Variants in BICRA observed in about 807,000 individuals in gnomAD.
BICRA encodes the protein BRD4-interacting chromatin-remodeling complex-associated protein.
BICRA carries 31 observed loss-of-function variants against 96.9 expected under a neutral mutation model. The ratio of observed to expected loss-of-function variants is 0.32; its 90% CI spans 0.24 to 0.43. The LOEUF (loss-of-function observed/expected upper bound fraction) is 0.43. Ranked by LOEUF, BICRA falls within the 20% of genes least tolerant of loss-of-function variation. BICRA has a pLI of 1.00. For synonymous variants in BICRA, 1,350 were observed against 1,071.8 expected (o/e 1.26, Z -5.07); for missense variants, 2,283 against 2,190.3 (o/e 1.04, Z -0.84).
At chr19:47,659,685 T>TATACACAC (rs1369334077) in intron 1 of BICRA, among the ~76,000 whole-genome samples, 1 of 132,414 alleles carries the variant, frequency 7.6e-6, no homozygotes, top group Non-Finnish European at 1.6e-5. Flanking sequence ...TGGTGGTGCA[T>TATACACAC]ACACACACAC....
intron 1 of BICRA, among the ~76,000 whole-genome samples, chr19:47,609,478 C>CA (rs1555783033): frequency 3.2e-5 from 1 of 31,314 alleles, no homozygotes; most frequent in East Asian, 8.1e-4. Context: ...CCTATGGGGA[C>CA]CCCCCCCCAA....
At chr19:47,695,342 T>TCGGGGGGGGGCCCC in intron 9 of BICRA, 23 bp from the exon 10 acceptor site, 1 of 630,198 alleles carries the variant, frequency 1.6e-6, no homozygotes, top group Non-Finnish European at 2.8e-6. Context: ...AGGCCCTGTC[T>TCGGGGGGGGGCCCC]CCCCCACCCC....
chr19:47,610,467 TC>T (rs1220120474), intron 1 of BICRA, among the ~76,000 whole-genome samples: 13 of 152,224 alleles, frequency 8.5e-5, no homozygotes, highest in African/African-American at 3.1e-4. Flanking sequence ...CAGCTGAACT[TC>T]CCGGGAGGTG....
In BICRA at chr19:47,680,616, C is replaced by A. The variant is rs1245118794; in HGVS notation, c.1446C>A (p.Leu482=). ...TGCCTGGCGCCCCGGCGGTCCAGCT[C>A]CCGCAGCAGCTCTCAGCCCTGCCGG... ...FLLPGAPAVQ[L]PQQLSALPAN... is the part of the protein sequence containing the mutation. The change falls in exon 6 of 15, where the codon CTC becomes CTA. Residue 482 remains leucine, a synonymous_variant. Coordinates refer to ENST00000594866, the MANE Select transcript of BICRA (RefSeq NM_001394372.1). 1.2e-6 allele frequency: 2 copies of A among 1,610,264 alleles called. No individual in the cohort carries two copies. Among genetic ancestry groups the A allele is most frequent in the African/African-American group, 1.3e-5 (1 of 74,840 alleles).
At chr19:47,646,153 C>T (rs1972455982) in intron 1 of BICRA, among the ~76,000 whole-genome samples, 1 of 152,048 alleles carries the variant, frequency 6.6e-6, no homozygotes, top group African/African-American at 2.4e-5. Flanking sequence ...GGGGCGTCAG[C>T]CAGGGAGGTG....
At chr19:47,686,666 G>C (rs936858655) in intron 7 of BICRA, among the ~76,000 whole-genome samples, 1 of 152,210 alleles carries the variant, frequency 6.6e-6, no homozygotes, top group Admixed American at 6.6e-5. Flanking sequence ...TTACAGGCGT[G>C]AGCCACTGCG....
chr19:47,651,594 C>T (rs555013760), intron 1 of BICRA, among the ~76,000 whole-genome samples: 3 of 152,222 alleles, frequency 2.0e-5, no homozygotes, highest in African/African-American at 2.4e-5. Context: ...CCAGCACCAT[C>T]GGGAAAGCGT....
chr19:47,694,633 A>G lies in BICRA; in HGVS notation c.2802A>G (p.Ala934=). 7.7e-7 allele frequency: 1 copy of G among 1,301,438 alleles called. No homozygotes were observed. The highest frequency in any genetic ancestry group is 1.0e-6 in the Non-Finnish European group (1 of 967,888). The allele number at this position is 1,301,438 out of a possible 1,614,324, so 80.6% of individuals were successfully genotyped here. ...TCCACCTGGTCCCTGAGCCGGCAGC[A>G]CCCCCCCCACCGCCTCCTCGGACCT... ...PTLHLVPEPA[A]PPPPPPRTFQ... The change falls in exon 8 of 15, where the codon GCA becomes GCG. Residue 934 remains alanine, a synonymous_variant. Coordinates refer to ENST00000594866, the MANE Select transcript of BICRA (RefSeq NM_001394372.1).
At chr19:47,624,958 T>C (rs1015484525) in intron 1 of BICRA, among the ~76,000 whole-genome samples, 3 of 147,948 alleles carry the variant, frequency 2.0e-5, no homozygotes, top group Non-Finnish European at 4.5e-5. Context: ...TCTCCCACAG[T>C]GCTGGGATTA....
At chr19:47,659,332 G>C (rs534676600) in intron 1 of BICRA, among the ~76,000 whole-genome samples, 2 of 152,150 alleles carry the variant, frequency 1.3e-5, no homozygotes, top group Non-Finnish European at 2.9e-5. Flanking sequence ...CTCTTTCTCT[G>C]TCTTTCCCAA....
At chr19:47,695,342 T>TCGGGGGGCCCCCCCCCCCCCC in intron 9 of BICRA, 23 bp from the exon 10 acceptor site, 2 of 630,150 alleles carry the variant, frequency 3.2e-6, no homozygotes, top group Non-Finnish European at 2.8e-6. Flanking sequence ...AGGCCCTGTC[T>TCGGGGGGCCCCCCCCCCCCCC]CCCCCACCCC....
intron 1 of BICRA, among the ~76,000 whole-genome samples, chr19:47,621,790 C>T (rs7257106): frequency 0.86 from 130,615 of 151,500 alleles, 56,389 homozygotes; most frequent in Admixed American, 0.89. Context: ...ACTTCTTTAA[C>T]TCAGTTTCTT....
chr19:47,608,237 G>A (rs1249734542), upstream of BICRA: 3 of 152,230 alleles, frequency 2.0e-5, no homozygotes, highest in Admixed American at 2.0e-4. Context: ...AGGCAGGCCC[G>A]ACCCGCCTCC....
chr19:47,673,720 T>C lies in BICRA; in HGVS notation c.42T>C (p.Cys14=), dbSNP rs202093781. Residue 14 remains cysteine (C), a splice_region_variant and synonymous_variant, in exon 4 of 15, where the codon TGT becomes TGC. Transcript: ENST00000594866. ...AGCGTCTCTTCCTCTTCTCTTCCAG[T>C]GACCCACAGGCCCTCAATGACTTCT... ...EDGRCLLDVI[C]DPQALNDFLH... The C allele has an allele frequency of 1.7e-4, 274 of 1,612,658 alleles. No homozygotes were observed. The highest frequency in any genetic ancestry group is 2.1e-4 in the Non-Finnish European group (247 of 1,179,202).
chr19:47,681,751 GGA>G (rs1364991942), intron 6 of BICRA, among the ~76,000 whole-genome samples: 6 of 152,148 alleles, frequency 3.9e-5, no homozygotes, highest in Non-Finnish European at 8.8e-5. Context: ...AGGTGGGGCA[GGA>G]GAGAGGCAGG....
intron 9 of BICRA, 128 bp from the exon 10 acceptor site, chr19:47,695,237 G>T: frequency 1.3e-6 from 1 of 764,728 alleles, no homozygotes. Context: ...TGGCAGGGCT[G>T]GCCCCAGATT....
rs1285817194 is a variant in BICRA at position 47,699,080 on chromosome 19, C to G, written c.3492+21C>G. 6.8e-7 allele frequency: 1 copy of G among 1,462,118 alleles called. No individual in the cohort carries two copies. The highest frequency in any genetic ancestry group is 1.9e-5 in the Admixed American group (1 of 51,410). The allele number at this position is 1,462,118 out of a possible 1,614,324, so 90.6% of individuals were successfully genotyped here. On this transcript the variant is annotated intron_variant, in intron 13 of 14. Transcript: ENST00000594866. This position sits in a 1 kb window ranked among gnomAD's most constrained non-coding sequence, Gnocchi z 5.0. The stretch of plus-strand genomic sequence containing the variant: ...CCCGGGTAGGGTCAGAGTCGCCTTC[C>G]TCGCCTCTGGGCTCCTCCTCGCTGG...
chr19:47,695,342 T>TCCCCCCCCCCCCCCCCCCCCCCC, intron 9 of BICRA, 23 bp from the exon 10 acceptor site: 16 of 630,182 alleles, frequency 2.5e-5, no homozygotes, highest in South Asian at 1.2e-4. Flanking sequence ...AGGCCCTGTC[T>TCCCCCCCCCCCCCCCCCCCCCCC]CCCCCACCCC....
chr19:47,619,408 G>A (rs911696321), intron 1 of BICRA, among the ~76,000 whole-genome samples: 6 of 151,818 alleles, frequency 4.0e-5, no homozygotes, highest in African/African-American at 1.4e-4. Context: ...ATAGGCGCCC[G>A]CCACCACGCC....
Sources: gnomAD v4.1 joint callset for allele counts (sites outside exome capture counted in the v4.1 genomes callset) on GRCh38, gnomAD v4.1.1 for gene constraint, Gnocchi (gnomAD v3.1) non-coding constraint, MANE v1.5 for transcripts, NCBI Gene and HGNC (gene_info 2026-07-23, HGNC 2026-07-21) for gene names.